The following MGAT5 variants were observed in gnomAD, a reference collection of about 807,000 sequenced individuals.
The protein encoded by MGAT5 is alpha-1,6-mannosylglycoprotein 6-beta-N-acetylglucosaminyltransferase.
MGAT5 carries 30 observed loss-of-function variants against 94.3 expected under a neutral mutation model. That is an observed-to-expected ratio of 0.32 (90% confidence interval 0.24 to 0.43). The LOEUF (loss-of-function observed/expected upper bound fraction) is 0.43, where lower values mean the gene tolerates loss of function less well. MGAT5 is among the 20% of genes least tolerant of loss of function. MGAT5 has a pLI of 1.00. For missense variants in MGAT5, 691 were observed against 905.5 expected (o/e 0.76, Z 3.04); for synonymous variants, 310 against 322.9 (o/e 0.96, Z 0.43).
At chr2:134,146,684 T>C (rs1686935625) in intron 1 of MGAT5, among the ~76,000 whole-genome samples, 1 of 152,228 alleles carries the variant, frequency 6.6e-6, no homozygotes, top group African/African-American at 2.4e-5. Flanking sequence ...GGAACCTCCC[T>C]AACCTGTTTG....
intron 1 of MGAT5, among the ~76,000 whole-genome samples, chr2:134,132,966 C>G (rs1004132220): frequency 6.6e-6 from 1 of 152,108 alleles, no homozygotes; most frequent in Admixed American, 6.6e-5. Flanking sequence ...TATGCCCCCC[C>G]TTCTTAATTT....
chr2:134,199,128 T>G (rs1679641631), intron 1 of MGAT5, among the ~76,000 whole-genome samples: 1 of 152,196 alleles, frequency 6.6e-6, no homozygotes, highest in South Asian at 2.1e-4. Context: ...TAAACTCCAT[T>G]CTGGACTTGG....
At chr2:134,431,457 C>T (rs1464216772) in intron 14 of MGAT5, among the ~76,000 whole-genome samples, 7 of 152,166 alleles carry the variant, frequency 4.6e-5, no homozygotes, top group Non-Finnish European at 4.4e-5. Flanking sequence ...GAAGCCAAGA[C>T]CCCATTGGTT....
intron 2 of MGAT5, among the ~76,000 whole-genome samples, chr2:134,303,796 ATTTT>A (rs934953900): frequency 5.3e-5 from 8 of 152,176 alleles, no homozygotes; most frequent in African/African-American, 1.9e-4. Context: ...TGCTACCTTA[ATTTT>A]TCACTACTAT....
intron 15 of MGAT5, among the ~76,000 whole-genome samples, chr2:134,443,183 T>TG (rs1685581265): frequency 9.9e-5 from 8 of 80,758 alleles, no homozygotes; most frequent in African/African-American, 3.8e-4. Context: ...CTATGTTTTT[T>TG]TTTGTTGTTG....
Position 134,215,945 on chromosome 2 carries a change from T to G in MGAT5, c.-142-38317T>G. ...TCTGTGGTTTTAATCCCATCCTTTA[T>G]TTTTGATTCTGAAGGACTTGGTTAT... On this transcript the variant is annotated intron_variant, in intron 1 of 16. Transcript: ENST00000409645. Among the ~76,000 whole-genome samples the G allele has an allele frequency of 1.3e-5, 2 of 152,216 alleles. 1 individual carries two copies. The highest frequency in any genetic ancestry group is 1.3e-4 in the Admixed American group (2 of 15,282).
intron 1 of MGAT5, among the ~76,000 whole-genome samples, chr2:134,155,489 T>TA (rs1274008763): frequency 6.6e-6 from 1 of 152,230 alleles, no homozygotes; most frequent in African/African-American, 2.4e-5. Flanking sequence ...GGCATGCTGA[T>TA]AGGAGTGGAA....
At chr2:134,400,789 C>A (rs948339293) in intron 10 of MGAT5, among the ~76,000 whole-genome samples, 4 of 152,178 alleles carry the variant, frequency 2.6e-5, no homozygotes, top group Non-Finnish European at 2.9e-5. Flanking sequence ...AGGAGAGATG[C>A]CTGTCCCCAC....
rs1294793402 is a variant in MGAT5, at chr2:134,151,897, C to T, written c.-143+31606C>T. Among the ~76,000 whole-genome samples the T allele has an allele frequency of 2.0e-5, 3 of 146,840 alleles. No individual in the cohort carries two copies. The East Asian group carries it at 6.3e-4, about 31-fold the overall frequency. On this transcript the variant is annotated intron_variant, in intron 1 of 16. Coordinates refer to the MGAT5 transcript ENST00000409645. ...ACTCACGCCCTGTGGGACCCGCCCACCGCCATGGGACCTCACTCACGCCCT... is the reference window on the plus strand; with the variant it reads ...ACTCACGCCCTGTGGGACCCGCCCATCGCCATGGGACCTCACTCACGCCCT...
In MGAT5 at chr2:134,454,591, C is replaced by CTTTA. The variant is rs1686274608; in HGVS notation, c.*5748_*5751dup. 1 of 152,052 alleles carries CTTTA rather than the reference C, an allele frequency of 6.6e-6. No homozygotes were observed. The highest frequency in any genetic ancestry group is 6.6e-5 in the Admixed American group (1 of 15,264). The allele number at this position is 152,052 out of a possible 1,614,324, so 9.4% of individuals were successfully genotyped here. On this transcript the variant is annotated 3_prime_UTR_variant, in exon 16 of 16. Coordinates refer to ENST00000281923, the MANE Select transcript of MGAT5 (RefSeq NM_002410.5). ...CTGTTGTAGAGAAAACTAGGGAGAA[C>CTTTA]TTTATTTTTCAATAAACTTTTCTTG...
chr2:134,264,253 C>G (rs1683546443), intron 1 of MGAT5, among the ~76,000 whole-genome samples: 1 of 152,088 alleles, frequency 6.6e-6, no homozygotes, highest in Middle Eastern at 3.2e-3. Flanking sequence ...AACTCCCGAC[C>G]TCAGGTGATC....
intron 1 of MGAT5, among the ~76,000 whole-genome samples, chr2:134,196,137 C>T (rs918061227): frequency 2.6e-5 from 4 of 152,308 alleles, no homozygotes; most frequent in African/African-American, 9.6e-5. Context: ...TTGCTCATTG[C>T]CTCTGTTGTT....
intron 14 of MGAT5, among the ~76,000 whole-genome samples, chr2:134,439,707 C>G (rs1421798084): frequency 6.6e-6 from 1 of 151,914 alleles, no homozygotes; most frequent in African/African-American, 2.4e-5. Flanking sequence ...AAAAATATAT[C>G]TATACAAGCA....
In MGAT5 at chr2:134,450,862, C is replaced by A. The variant is rs1446393721; in HGVS notation, c.*2015C>A. Reference sequence around the variant, plus strand: ...CCTGTGCATTTCTTTTAAGCAAGGGCAGTTTCCTGCAGTAGGAGGGCAGAT... The same window carrying A: ...CCTGTGCATTTCTTTTAAGCAAGGGAAGTTTCCTGCAGTAGGAGGGCAGAT... On this transcript the variant is annotated 3_prime_UTR_variant, in exon 16 of 16. Coordinates refer to ENST00000281923, the MANE Select transcript of MGAT5 (RefSeq NM_002410.5). 1 of 151,236 alleles carries A rather than the reference C, an allele frequency of 6.6e-6. No homozygotes were observed. Among genetic ancestry groups the A allele is most frequent in the Non-Finnish European group, 1.5e-5 (1 of 68,204 alleles). The allele number at this position is 151,236 out of a possible 1,614,324, so 9.4% of individuals were successfully genotyped here.
chr2:134,316,187 T>C (rs1037896312), intron 2 of MGAT5, among the ~76,000 whole-genome samples: 16 of 152,188 alleles, frequency 1.1e-4, no homozygotes, highest in Non-Finnish European at 4.4e-5. Context: ...TACATAACAG[T>C]GTGATCATAA....
chr2:134,441,175 A>G (rs1445097299), intron 14 of MGAT5, among the ~76,000 whole-genome samples: 1 of 152,228 alleles, frequency 6.6e-6, no homozygotes, highest in Non-Finnish European at 1.5e-5. Context: ...CCTACCAAAG[A>G]CACAGCACCA....
At chr2:134,414,990 C>A (rs1257446814) in intron 12 of MGAT5, among the ~76,000 whole-genome samples, 2 of 152,174 alleles carry the variant, frequency 1.3e-5, no homozygotes, top group Admixed American at 1.3e-4. Flanking sequence ...ATTTCATATA[C>A]ACATAATTTG....
chr2:134,253,467 T>G (rs558420965), upstream of MGAT5, among the ~76,000 whole-genome samples: 3 of 152,340 alleles, frequency 2.0e-5, no homozygotes, highest in Non-Finnish European at 4.4e-5. Flanking sequence ...AGGATCTGGC[T>G]GCATTAATAT....
At chr2:134,156,923 C>T (rs1326436985) in intron 1 of MGAT5, among the ~76,000 whole-genome samples, 14 of 152,118 alleles carry the variant, frequency 9.2e-5, no homozygotes, top group Admixed American at 4.6e-4. Context: ...TCAGGTAGCT[C>T]GCTTCTTGTC....
Sources: allele counts gnomAD v4.1 joint callset (sites outside exome capture counted in the v4.1 genomes callset), GRCh38; gene constraint gnomAD v4.1.1; transcripts MANE v1.5; gene names NCBI Gene and HGNC (gene_info 2026-07-23, HGNC 2026-07-21).